Variants in SOX5 observed in about 807,000 individuals in gnomAD.
SOX5 encodes the protein transcription factor SOX-5.
In SOX5, 9 loss-of-function variants were observed where a neutral mutation model predicts 92.0. That is an observed-to-expected ratio of 0.10 (90% CI 0.06 to 0.17). The LOEUF (loss-of-function observed/expected upper bound fraction) is 0.17. Ranked by LOEUF, SOX5 falls within the 10% of genes least tolerant of loss-of-function variation. The pLI, the probability that SOX5 is intolerant of heterozygous loss-of-function variation, is 1.00. For missense variants in SOX5, 642 were observed against 944.5 expected (o/e 0.68, Z 4.20); for synonymous variants, 344 against 336.3 (o/e 1.02, Z -0.25).
chr12:23,884,068 A>G (rs1221481987), intron 2 of SOX5, among the ~76,000 whole-genome samples: 2 of 152,126 alleles, frequency 1.3e-5, no homozygotes, highest in Non-Finnish European at 2.9e-5. Context: ...TAGATCACAG[A>G]ACTTAAACAT....
intron 1 of SOX5, among the ~76,000 whole-genome samples, chr12:24,464,346 G>C (rs1943981668): frequency 2.7e-5 from 4 of 146,730 alleles, no homozygotes; most frequent in Admixed American, 2.7e-4. Flanking sequence ...TTTTTGAGAC[G>C]GAGTCTCACT....
chr12:23,652,090 A>G (rs1592960510), intron 7 of SOX5, among the ~76,000 whole-genome samples: 3 of 151,988 alleles, frequency 2.0e-5, no homozygotes, highest in South Asian at 2.1e-4. Flanking sequence ...GATAATCTTA[A>G]ATCCTTCTCC....
chr12:24,269,289 A>G (rs10842302), intron 3 of SOX5, among the ~76,000 whole-genome samples: 97,553 of 152,120 alleles, frequency 0.64, 34,234 homozygotes, highest in East Asian at 0.95. Context: ...AGGATCACAA[A>G]TTATTAAGTA....
intron 3 of SOX5, among the ~76,000 whole-genome samples, chr12:23,784,903 CT>C (rs1208659254): frequency 2.0e-5 from 3 of 152,078 alleles, no homozygotes; most frequent in African/African-American, 4.8e-5. Flanking sequence ...ATAGCAAGAT[CT>C]TTTCTCTGCC....
chr12:24,357,047 G>A (rs951425674), intron 2 of SOX5, among the ~76,000 whole-genome samples: 4 of 152,104 alleles, frequency 2.6e-5, no homozygotes, highest in Admixed American at 2.0e-4. Context: ...ATTTGCACAT[G>A]GCAAATAAAG....
intron 1 of SOX5, among the ~76,000 whole-genome samples, chr12:24,411,202 T>C (rs1057164220): frequency 2.0e-5 from 3 of 148,020 alleles, no homozygotes; most frequent in South Asian, 2.1e-4. Flanking sequence ...TTTTCTTTTC[T>C]TTTTTTTTTA....
At chr12:24,484,971 C>T (rs1298836463) in intron 1 of SOX5, among the ~76,000 whole-genome samples, 10 of 152,036 alleles carry the variant, frequency 6.6e-5, no homozygotes. Flanking sequence ...CGGTCAGAAA[C>T]TCTGAGGGCT....
intron 4 of SOX5, among the ~76,000 whole-genome samples, chr12:24,099,557 C>G (rs947398400): frequency 1.3e-5 from 2 of 152,058 alleles, no homozygotes; most frequent in African/African-American, 4.8e-5. Flanking sequence ...TAGTTATTTC[C>G]TGATGTAGTG....
At chr12:24,249,886 T>C (rs1449060905) in intron 3 of SOX5, among the ~76,000 whole-genome samples, 1 of 152,068 alleles carries the variant, frequency 6.6e-6, no homozygotes, top group African/African-American at 2.4e-5. Flanking sequence ...GCACTAGTGC[T>C]TTTTTTTCCT....
chr12:24,325,207 T>C (rs1950564900), intron 2 of SOX5, among the ~76,000 whole-genome samples: 1 of 151,886 alleles, frequency 6.6e-6, no homozygotes. Context: ...AATAGAAAGT[T>C]ATACACACTA....
intron 13 of SOX5, among the ~76,000 whole-genome samples, chr12:23,542,839 A>C (rs1419609669): frequency 1.3e-5 from 2 of 152,230 alleles, no homozygotes; most frequent in East Asian, 3.8e-4. Flanking sequence ...GGAGGCCTTA[A>C]GATTAACAGT....
chr12:24,017,310 C>T (rs550322077), intron 4 of SOX5, among the ~76,000 whole-genome samples: 30 of 152,192 alleles, frequency 2.0e-4, no homozygotes, highest in South Asian at 1.7e-3. Context: ...GAGAAAATCA[C>T]GCAACAGGTT....
intron 9 of SOX5, among the ~76,000 whole-genome samples, chr12:23,586,509 G>T (rs892331587): frequency 6.6e-6 from 1 of 152,142 alleles, no homozygotes; most frequent in African/African-American, 2.4e-5. Context: ...ATTTCATTTC[G>T]TTCGGATTAT....
intron 4 of SOX5, among the ~76,000 whole-genome samples, chr12:24,122,328 C>A (rs1948710217): frequency 6.6e-6 from 1 of 152,092 alleles, no homozygotes; most frequent in Non-Finnish European, 1.5e-5. Flanking sequence ...CAAAAGTGGA[C>A]CAGCTGAGAG....
Position 24,393,168 on chromosome 12 carries a change from C to CA in SOX5, c.-250-24530dup, listed in dbSNP as rs5797082. On this transcript the variant is annotated intron_variant, in intron 1 of 4. Coordinates refer to the SOX5 transcript ENST00000446891. This position sits in a 1 kb window ranked among gnomAD's most constrained non-coding sequence, Gnocchi z 5.0. ...AAAATACAGCAAAATTAGAAGCTGG[C>CA]AAAAAAACAAACCCACTGCCTGGGG... Among the ~76,000 whole-genome samples the CA allele has an allele frequency of 8.2e-4, 125 of 151,952 alleles. No individual in the cohort carries two copies. The highest frequency in any genetic ancestry group is 1.4e-3 in the Non-Finnish European group (95 of 67,984).
intron 9 of SOX5, among the ~76,000 whole-genome samples, chr12:23,577,410 G>C (rs1292431863): frequency 6.6e-6 from 1 of 151,584 alleles, no homozygotes; most frequent in Non-Finnish European, 1.5e-5. Flanking sequence ...ATGTTGGCCA[G>C]CTAGTCTTGA....
intron 6 of SOX5, among the ~76,000 whole-genome samples, chr12:23,674,568 C>A (rs1024632191): frequency 5.3e-5 from 8 of 151,720 alleles, no homozygotes; most frequent in African/African-American, 1.9e-4. Context: ...GAACTCTTTA[C>A]CTCAGATGAT....
intron 3 of SOX5, among the ~76,000 whole-genome samples, chr12:23,818,304 A>G (rs920105027): frequency 1.3e-5 from 2 of 152,210 alleles, no homozygotes; most frequent in Non-Finnish European, 2.9e-5. Flanking sequence ...ACAAACCTGT[A>G]CAGCTTGTTA....
intron 1 of SOX5, among the ~76,000 whole-genome samples, chr12:24,477,390 TCCCAAAGTGCTGGGA>T (rs1487637199): frequency 8.5e-5 from 13 of 152,128 alleles, no homozygotes; most frequent in African/African-American, 2.9e-4. Context: ...CACCTCGGCC[TCCCAAAGTGCTGGGA>T]TTACAGGTGT....
Sources: allele counts gnomAD v4.1 joint callset (sites outside exome capture counted in the v4.1 genomes callset), GRCh38; gene constraint gnomAD v4.1.1; non-coding constraint Gnocchi (gnomAD v3.1); transcripts MANE v1.5; gene names NCBI Gene and HGNC (gene_info 2026-07-23, HGNC 2026-07-21).